The following PEAK1 variants were observed in gnomAD, a reference collection of about 807,000 sequenced individuals.
PEAK1 encodes the protein inactive tyrosine-protein kinase PEAK1.
Under a neutral mutation model 124.7 loss-of-function variants are expected in PEAK1, and 54 were observed. The observed-to-expected ratio is 0.43, with a 90% CI of 0.35 to 0.54. The LOEUF (loss-of-function observed/expected upper bound fraction) is 0.54. Among genes scored for constraint, PEAK1 ranks in the 20% least tolerant of loss-of-function variants. PEAK1 has a pLI of 0.01. For synonymous variants in PEAK1, 719 were observed against 760.0 expected, an observed-to-expected ratio of 0.95 and a Z score of 0.89; for missense variants, 2,046 against 2,134.5, an observed-to-expected ratio of 0.96 and a Z score of 0.82.
intron 6 of PEAK1, among the ~76,000 whole-genome samples, chr15:77,212,730 AG>A (rs1266843247): frequency 2.6e-5 from 4 of 152,344 alleles, no homozygotes; most frequent in Admixed American, 1.3e-4. Flanking sequence ...ACAACAAACC[AG>A]GGCAATATTA....
At position 77,108,558 on chromosome 15, in the gene PEAK1, T is replaced by C. The variant is rs1372007560; in HGVS notation, c.*5598A>G. ...ACTGGTAAAGGAAGGGATAACCAAG[T>C]AGTATTTGGAGCAAGTTCCTGAAAC... is the stretch of plus-strand genomic sequence containing the variant. On this transcript the variant is annotated 3_prime_UTR_variant, in exon 10 of 10. Transcript: ENST00000682557. 1 of 152,190 alleles carries C rather than the reference T, an allele frequency of 6.6e-6. No individual in the cohort carries two copies. Among genetic ancestry groups the C allele is most frequent in the Non-Finnish European group, 1.5e-5 (1 of 68,024 alleles). 9.4% of individuals were successfully genotyped at this position (152,190 alleles called of 1,614,324 possible). A position where few individuals can be genotyped will look rare whatever the true frequency, so the allele number is the denominator to read the frequency against.
intron 2 of PEAK1, chr15:77,335,230 GCTC>G: frequency 1.0e-6 from 1 of 985,386 alleles, no homozygotes; most frequent in Non-Finnish European, 1.2e-6. Flanking sequence ...TCCTTCAGGG[GCTC>G]CTCCTCAATT....
chr15:77,418,824 CG>C lies in PEAK1; in HGVS notation c.-666+1181del, dbSNP rs756604340. ...CACATCACTACATCACTTCATTTAT[CG>C]GGGGAAAAAAAAAGACGCTGTGGCT... is the stretch of plus-strand genomic sequence containing the variant. On this transcript the variant is annotated intron_variant, in intron 1 of 9. Coordinates refer to ENST00000682557, the MANE Select transcript of PEAK1 (RefSeq NM_001385026.1). The C allele has an allele frequency of 2.5e-3, 2,502 of 984,802 alleles. 1 individual carries two copies. The highest frequency in any genetic ancestry group is 2.9e-3 in the Non-Finnish European group (2,402 of 829,834). 61.0% of individuals were successfully genotyped at this position (984,802 alleles called of 1,614,324 possible).
At chr15:77,347,862 G>C in intron 2 of PEAK1, 1 of 984,384 alleles carries the variant, frequency 1.0e-6, no homozygotes, top group South Asian at 4.7e-5. Context: ...ATTAAACAAT[G>C]CTACATTTAA....
At chr15:77,170,429 A>C (rs2056426695) in intron 7 of PEAK1, among the ~76,000 whole-genome samples, 1 of 152,200 alleles carries the variant, frequency 6.6e-6, no homozygotes, top group Non-Finnish European at 1.5e-5. Context: ...GAGGTTCATG[A>C]ATAAGAGGAT....
chr15:77,403,218 T>C (rs886505636), intron 1 of PEAK1: 19 of 985,330 alleles, frequency 1.9e-5, no homozygotes, highest in Non-Finnish European at 2.3e-5. Flanking sequence ...AACTGCTGAT[T>C]GGGTATGGTG....
intron 9 of PEAK1, among the ~76,000 whole-genome samples, chr15:77,116,701 AATCTATCT>A (rs34607835): frequency 0.33 from 47,329 of 145,456 alleles, 7,701 homozygotes; most frequent in Middle Eastern, 0.36. Flanking sequence ...GAAATCAATC[AATCTATCT>A]ATCTATCTAT....
At chr15:77,242,301 C>CTCTAGA (rs1463917723) in intron 6 of PEAK1, among the ~76,000 whole-genome samples, 1 of 151,960 alleles carries the variant, frequency 6.6e-6, no homozygotes, top group Non-Finnish European at 1.5e-5. Flanking sequence ...TTAAAATGCC[C>CTCTAGA]TCTAGAAAGG....
chr15:77,417,876 T>C (rs912007821), intron 1 of PEAK1: 1 of 985,138 alleles, frequency 1.0e-6, no homozygotes, highest in Non-Finnish European at 1.2e-6. Context: ...TGGTTGGCAC[T>C]GCTAGATGTT....
intron 5 of PEAK1, among the ~76,000 whole-genome samples, chr15:77,273,816 G>A (rs2062163571): frequency 6.6e-6 from 1 of 152,066 alleles, no homozygotes; most frequent in African/African-American, 2.4e-5. Context: ...AGCCCACGTA[G>A]CCAAAGCAAG....
intron 1 of PEAK1, chr15:77,401,749 C>T (rs1203738689): frequency 4.1e-6 from 4 of 985,068 alleles, no homozygotes; most frequent in African/African-American, 3.5e-5. Context: ...GCCAGTTTTA[C>T]TTTCTTAGAG....
In PEAK1 at chr15:77,115,106, CATCCGTTTCTCCTT is replaced by C; in HGVS notation, c.4277_4290del (p.Lys1426ArgfsTer9). The stretch of plus-strand genomic sequence containing the variant: ...TCAGAACAGGGCTTTGGGTTTTTCC[CATCCGTTTCTCCTT>C]TGGCGTCTTCTTCAGTCTCTTCCAT... On this transcript the variant is annotated frameshift_variant, in exon 10 of 10. Transcript: ENST00000682557. LOFTEE classifies it high-confidence loss of function. 8 of 1,614,126 alleles carry C rather than the reference CATCCGTTTCTCCTT, an allele frequency of 5.0e-6. No homozygotes were observed. The highest frequency in any genetic ancestry group is 6.8e-6 in the Non-Finnish European group (8 of 1,180,018).
At chr15:77,266,149 G>A (rs781470403) in intron 5 of PEAK1, among the ~76,000 whole-genome samples, 3 of 152,002 alleles carry the variant, frequency 2.0e-5, no homozygotes, top group East Asian at 1.9e-4. Context: ...TATACCTAAC[G>A]CTAGATGACA....
intron 8 of PEAK1, among the ~76,000 whole-genome samples, chr15:77,147,944 ATGT>A (rs923632601): frequency 3.3e-5 from 5 of 152,222 alleles, no homozygotes; most frequent in Admixed American, 6.5e-5. Flanking sequence ...GGCATTTGAA[ATGT>A]TGTTAGTGAG....
intron 1 of PEAK1, chr15:77,419,210 G>A (rs2073146729): frequency 1.5e-5 from 15 of 985,332 alleles, no homozygotes; most frequent in South Asian, 4.7e-5. Flanking sequence ...AGGCGGGGGA[G>A]GAGGGTCTCT....
Position 77,252,444 on chromosome 15 carries a change from T to G in PEAK1, c.-192A>C. The G allele has an allele frequency of 1.0e-6, 1 of 985,238 alleles. No individual in the cohort carries two copies. Among genetic ancestry groups the G allele is most frequent in the East Asian group, 1.1e-4 (1 of 8,814 alleles). The allele number at this position is 985,238 out of a possible 1,614,324, so 61.0% of individuals were successfully genotyped here. A position where few individuals can be genotyped will look rare whatever the true frequency, so the allele number is the denominator to read the frequency against. ...GCTAGCAAAACATTCCTTCCAAATT[T>G]CAAGGTGCTTTGGGTCTTTCCAAGA... On this transcript the variant is annotated 5_prime_UTR_variant, in exon 6 of 10. It removes the in-frame stop codon of an upstream open reading frame in the 5' UTR. Transcript: ENST00000682557.
At chr15:77,241,635 G>A (rs1439179482) in intron 6 of PEAK1, among the ~76,000 whole-genome samples, 1 of 151,690 alleles carries the variant, frequency 6.6e-6, no homozygotes, top group African/African-American at 2.4e-5. Flanking sequence ...CAGGATACAT[G>A]GTCAACATAG....
Position 77,158,715 on chromosome 15 carries a change from C to T in PEAK1, c.3138-19G>A. Reference sequence around the variant, plus strand: ...CATGTGACTGAAACAAATCAGACCACTTGTCACACTGGTATTGGAAGGTTC... The same window carrying T: ...CATGTGACTGAAACAAATCAGACCATTTGTCACACTGGTATTGGAAGGTTC... On this transcript the variant is annotated intron_variant, in intron 7 of 9. Coordinates refer to ENST00000682557, the MANE Select transcript of PEAK1 (RefSeq NM_001385026.1). The T allele has an allele frequency of 6.2e-7, 1 of 1,606,628 alleles. No homozygotes were observed. The highest frequency in any genetic ancestry group is 8.5e-7 in the Non-Finnish European group (1 of 1,173,634).
At position 77,114,032 on chromosome 15, in the gene PEAK1, C is replaced by T; in HGVS notation, c.*124G>A. ...ACCTTTCTGAATAGACCCACTTGTT[C>T]ACGGACAGGGATAGAGGTTTGCCTT... On this transcript the variant is annotated 3_prime_UTR_variant, in exon 10 of 10. Transcript: ENST00000682557. 9.7e-7 allele frequency: 1 copy of T among 1,033,028 alleles called. No homozygotes were observed. Among genetic ancestry groups the T allele is most frequent in the Non-Finnish European group, 1.4e-6 (1 of 694,108 alleles). The allele number at this position is 1,033,028 out of a possible 1,614,324, so 64.0% of individuals were successfully genotyped here.
Sources: allele counts gnomAD v4.1 joint callset (sites outside exome capture counted in the v4.1 genomes callset), GRCh38; gene constraint gnomAD v4.1.1; transcripts MANE v1.5; gene names NCBI Gene and HGNC (gene_info 2026-07-23, HGNC 2026-07-21).